MBD5: variants seen among roughly 807,000 people sequenced by gnomAD.
MBD5 encodes the protein methyl-CpG binding domain protein 5.
MBD5 carries 13 observed loss-of-function variants against 117.3 expected under a neutral mutation model. The ratio of observed to expected loss-of-function variants is 0.11; its 90% CI spans 0.07 to 0.18. The LOEUF is 0.18. Among genes scored for constraint, MBD5 ranks in the 10% least tolerant of loss-of-function variants. The pLI is 1.00. For missense variants in MBD5, 1,879 were observed against 2,093.8 expected (o/e 0.90, Z 2.00); for synonymous variants, 727 against 766.4 (o/e 0.95, Z 0.85).
intron 4 of MBD5, among the ~76,000 whole-genome samples, chr2:148,389,250 ACATATATATATATATAT>A (rs1704482098): frequency 3.4e-5 from 1 of 29,148 alleles, no homozygotes; most frequent in African/African-American, 1.2e-4. Context: ...GGAAAAAAAA[ACATATATATATATATAT>A]ATATATATAT....
intron 4 of MBD5, among the ~76,000 whole-genome samples, chr2:148,358,947 C>T (rs1410142479): frequency 7.2e-5 from 11 of 151,906 alleles, no homozygotes; most frequent in Admixed American, 4.6e-4. Context: ...AGCTTTATAC[C>T]AGCCTTGGAC....
At chr2:148,269,053 T>C (rs1157535748) in intron 3 of MBD5, among the ~76,000 whole-genome samples, 1 of 144,154 alleles carries the variant, frequency 6.9e-6, no homozygotes, top group Non-Finnish European at 1.5e-5. Flanking sequence ...TAAACTATAC[T>C]AGTTTGATAA....
At position 148,094,092 on chromosome 2, in the gene MBD5, C is replaced by T. The variant is rs1342000880; in HGVS notation, c.-925+72408C>T. 2.0e-5 allele frequency among the ~76,000 whole-genome samples: 3 copies of T among 152,108 alleles called. No homozygotes were observed. The East Asian group carries it at 5.8e-4, about 29-fold the overall frequency. On this transcript the variant is annotated intron_variant, in intron 1 of 13. Transcript: ENST00000642680. Reference sequence around the variant, plus strand: ...GTTATAAGTGGCAGAGCCTTCCATGCCTCTGACTTTTTTTAACTGCCCTAA... The same window carrying T: ...GTTATAAGTGGCAGAGCCTTCCATGTCTCTGACTTTTTTTAACTGCCCTAA...
chr2:148,190,941 G>A (rs1389195620), intron 2 of MBD5, among the ~76,000 whole-genome samples: 3 of 143,098 alleles, frequency 2.1e-5, no homozygotes, highest in Admixed American at 7.0e-5. Context: ...AACAAAAAAA[G>A]GCAGGGGTTG....
intron 1 of MBD5, chr2:148,062,012 T>A (rs1372508510): frequency 1.3e-5 from 2 of 151,284 alleles, no homozygotes; most frequent in Non-Finnish European, 3.0e-5. Flanking sequence ...TTTTTATTCA[T>A]AAATATGTAA....
At chr2:148,269,103 T>C (rs1283785011) in intron 3 of MBD5, among the ~76,000 whole-genome samples, 1 of 152,028 alleles carries the variant, frequency 6.6e-6, no homozygotes, top group Non-Finnish European at 1.5e-5. Context: ...TCATTGAAAG[T>C]ATTGAAATAT....
At chr2:148,325,416 G>T (rs1284835568) in intron 3 of MBD5, among the ~76,000 whole-genome samples, 2 of 152,180 alleles carry the variant, frequency 1.3e-5, no homozygotes, top group African/African-American at 2.4e-5. Context: ...AATGGTACAA[G>T]TTCCTCCTTA....
intron 3 of MBD5, among the ~76,000 whole-genome samples, chr2:148,289,535 A>G (rs1048584183): frequency 2.0e-5 from 3 of 152,228 alleles, no homozygotes; most frequent in African/African-American, 7.2e-5. Context: ...TGCCATACCT[A>G]CATAAAGGAT....
At chr2:148,348,798 G>A (rs1170595064) in intron 4 of MBD5, among the ~76,000 whole-genome samples, 1 of 151,854 alleles carries the variant, frequency 6.6e-6, no homozygotes, top group African/African-American at 2.4e-5. Flanking sequence ...ACGTTTTGGG[G>A]AGACTTTAGA....
At chr2:148,183,534 T>C (rs1448077282) in intron 2 of MBD5, among the ~76,000 whole-genome samples, 4 of 152,094 alleles carry the variant, frequency 2.6e-5, no homozygotes, top group African/African-American at 7.2e-5. Flanking sequence ...AAAAAAAAAT[T>C]GGATGTATAT....
intron 1 of MBD5, among the ~76,000 whole-genome samples, chr2:148,090,953 A>G (rs907294310): frequency 6.6e-6 from 1 of 152,116 alleles, no homozygotes; most frequent in Admixed American, 6.5e-5. Flanking sequence ...CCAAAAAGAT[A>G]TGATAAATGA....
intron 3 of MBD5, among the ~76,000 whole-genome samples, 199 bp from the exon 4 acceptor site, chr2:148,342,015 A>G (rs1366330480): frequency 6.6e-6 from 1 of 152,064 alleles, no homozygotes; most frequent in Non-Finnish European, 1.5e-5. Flanking sequence ...AAAATAAAGT[A>G]TAGAACATTT....
At chr2:148,210,889 G>T (rs1013461314) in intron 2 of MBD5, among the ~76,000 whole-genome samples, 1 of 151,886 alleles carries the variant, frequency 6.6e-6, no homozygotes, top group African/African-American at 2.4e-5. Context: ...AAAAAATCCT[G>T]TCTTTAGATA....
At chr2:148,339,602 C>G (rs1409595735) in intron 3 of MBD5, among the ~76,000 whole-genome samples, 1 of 152,050 alleles carries the variant, frequency 6.6e-6, no homozygotes, top group African/African-American at 2.4e-5. Context: ...CAACACTGGC[C>G]CCTGAGCAGA....
intron 1 of MBD5, among the ~76,000 whole-genome samples, chr2:148,146,481 C>T (rs1697468771): frequency 6.6e-6 from 1 of 152,126 alleles, no homozygotes; most frequent in Non-Finnish European, 1.5e-5. Flanking sequence ...AAGTGACCCA[C>T]CTGCCTCAGC....
rs578123805 is a variant in MBD5 at position 148,399,883 on chromosome 2, A to C, written c.-557+57547A>C. ...CATGAAGGGGTGTTGAATTTTGTCG[A>C]AGGCCTTTTCTGCATCTATTGAGAT... On this transcript the variant is annotated intron_variant, in intron 4 of 13. Coordinates refer to ENST00000642680, the MANE Select transcript of MBD5 (RefSeq NM_001378120.1). 7.9e-5 allele frequency among the ~76,000 whole-genome samples: 12 copies of C among 152,274 alleles called. No homozygotes were observed. In the East Asian group the frequency reaches 1.9e-3, roughly 25 times the overall value.
intron 3 of MBD5, among the ~76,000 whole-genome samples, chr2:148,258,189 C>T (rs573754690): frequency 3.9e-5 from 6 of 152,174 alleles, no homozygotes; most frequent in East Asian, 1.9e-4. Flanking sequence ...CACATGCACT[C>T]GGAGTCTGAA....
At chr2:148,208,549 G>T (rs1558973147) in intron 2 of MBD5, among the ~76,000 whole-genome samples, 1 of 152,034 alleles carries the variant, frequency 6.6e-6, no homozygotes, top group Non-Finnish European at 1.5e-5. Context: ...GAACCACCAC[G>T]CCAGGCTATA....
At chr2:148,115,482 AG>A (rs1696613795) in intron 1 of MBD5, among the ~76,000 whole-genome samples, 3 of 152,206 alleles carry the variant, frequency 2.0e-5, no homozygotes, top group Non-Finnish European at 4.4e-5. Flanking sequence ...AATGCATGTA[AG>A]GTATTTAGTA....
Sources: allele counts gnomAD v4.1 joint callset (sites outside exome capture counted in the v4.1 genomes callset), GRCh38; gene constraint gnomAD v4.1.1; transcripts MANE v1.5; gene names NCBI Gene and HGNC (gene_info 2026-07-23, HGNC 2026-07-21).